The following MED27 variants were observed in gnomAD, a reference collection of about 807,000 sequenced individuals.
MED27 encodes mediator complex subunit 27, also known as mediator of RNA polymerase II transcription subunit 27.
In MED27, 30 loss-of-function variants were observed where a neutral mutation model predicts 38.2. The observed-to-expected ratio is 0.79, with a 90% CI of 0.59 to 1.07. The LOEUF (loss-of-function observed/expected upper bound fraction) is 1.07, where lower values mean the gene tolerates loss of function less well. MED27 is among the 50% of genes least tolerant of loss of function. The pLI is 0.00. For missense variants in MED27, 289 were observed against 397.5 expected (o/e 0.73, Z 2.32); for synonymous variants, 122 against 153.5 (o/e 0.79, Z 1.52).
chr9:131,905,734 A>AAAAAAAAAAAAAAAAAAAAAAAC (rs751226482), intron 4 of MED27, among the ~76,000 whole-genome samples: 5 of 28,158 alleles, frequency 1.8e-4, no homozygotes, highest in African/African-American at 3.0e-4. Flanking sequence ...AAAACAGAAA[A>AAAAAAAAAAAAAAAAAAAAAAAC]AGAAAAAGAA....
chr9:132,042,971 G>A (rs963255953), intron 2 of MED27, among the ~76,000 whole-genome samples: 1 of 152,122 alleles, frequency 6.6e-6, no homozygotes, highest in Non-Finnish European at 1.5e-5. Context: ...ATAGACCATA[G>A]GTACTTTTGT....
At chr9:131,893,792 T>A in intron 5 of MED27, 93 bp downstream of exon 5, 1 of 828,300 alleles carries the variant, frequency 1.2e-6, no homozygotes, top group Non-Finnish European at 2.0e-6. Context: ...TCCGCTATGA[T>A]TGCTAGTTTT....
At chr9:131,979,798 C>T (rs2131025924) in intron 3 of MED27, among the ~76,000 whole-genome samples, 1 of 151,310 alleles carries the variant, frequency 6.6e-6, no homozygotes, top group Admixed American at 6.6e-5. Flanking sequence ...CTAGTCCATG[C>T]TAACTCCTTG....
chr9:131,902,151 TACAC>T (rs1242352195), intron 4 of MED27, among the ~76,000 whole-genome samples: 1 of 152,144 alleles, frequency 6.6e-6, no homozygotes, highest in Non-Finnish European at 1.5e-5. Context: ...AATGACTTCA[TACAC>T]ACACCACTGA....
chr9:131,925,587 G>T (rs1314898383), intron 4 of MED27, among the ~76,000 whole-genome samples: 1 of 152,118 alleles, frequency 6.6e-6, no homozygotes, highest in African/African-American at 2.4e-5. Context: ...ATGAAATTTA[G>T]TAAAAAACAC....
intron 6 of MED27, among the ~76,000 whole-genome samples, chr9:131,875,093 T>C (rs931102753): frequency 2.0e-5 from 3 of 151,550 alleles, no homozygotes; most frequent in Admixed American, 1.3e-4. Flanking sequence ...AAACGGGAAA[T>C]TGGGGCACAA....
rs1833457738 is a variant in MED27 at position 132,051,192 on chromosome 9, T to C, written c.348+26250A>G. ...CAGTTAAAGTACATGAGATTATCAA[T>C]TATTTACTGATAAATTAGATCAGAT... On this transcript the variant is annotated intron_variant, in intron 2 of 7. Coordinates refer to ENST00000292035, the MANE Select transcript of MED27 (RefSeq NM_004269.4). The surrounding 1 kb of genome is among the most constrained non-coding windows in gnomAD (Gnocchi z 4.2). 6.6e-6 allele frequency among the ~76,000 whole-genome samples: 1 copy of C among 152,238 alleles called. No individual in the cohort carries two copies. The highest frequency in any genetic ancestry group is 6.5e-5 in the Admixed American group (1 of 15,288).
intron 6 of MED27, among the ~76,000 whole-genome samples, chr9:131,878,217 G>A (rs1418847437): frequency 6.6e-6 from 1 of 151,748 alleles, no homozygotes; most frequent in East Asian, 1.9e-4. Flanking sequence ...AGGTTGCAGT[G>A]AGCTGAGATT....
intron 3 of MED27, among the ~76,000 whole-genome samples, chr9:131,963,306 T>G (rs570478459): frequency 2.0e-5 from 3 of 152,280 alleles, no homozygotes; most frequent in South Asian, 4.1e-4. Context: ...CCCCTGAGGT[T>G]AGCATTTCTG....
intron 6 of MED27, among the ~76,000 whole-genome samples, chr9:131,876,611 G>A (rs541900360): frequency 1.7e-4 from 26 of 152,236 alleles, no homozygotes; most frequent in African/African-American, 6.3e-4. Context: ...CCCTCCCTGC[G>A]GCTCTCAGCT....
intron 4 of MED27, among the ~76,000 whole-genome samples, chr9:131,922,980 C>CA (rs1830424603): frequency 6.6e-6 from 1 of 152,142 alleles, no homozygotes; most frequent in African/African-American, 2.4e-5. Context: ...GCAAGATGCT[C>CA]TAGGCTCATC....
chr9:132,063,995 T>C (rs1833753383), intron 2 of MED27, among the ~76,000 whole-genome samples: 2 of 152,266 alleles, frequency 1.3e-5, no homozygotes, highest in South Asian at 4.1e-4. Flanking sequence ...ACAAAGCTCT[T>C]CAATGGTCAC....
chr9:131,999,268 CATA>C (rs1260133576), intron 3 of MED27, among the ~76,000 whole-genome samples: 1 of 152,136 alleles, frequency 6.6e-6, no homozygotes, highest in African/African-American at 2.4e-5. Context: ...CTCAACCATC[CATA>C]ATGAAGTCTA....
Position 131,947,977 on chromosome 9 carries a change from G to A in MED27, c.480-8503C>T, listed in dbSNP as rs76474093. 2.1e-3 allele frequency among the ~76,000 whole-genome samples: 317 copies of A among 152,302 alleles called. 1 individual carries two copies. Among genetic ancestry groups the A allele is most frequent in the African/African-American group, 7.4e-3 (309 of 41,564 alleles). On this transcript the variant is annotated intron_variant, in intron 3 of 7. Coordinates refer to ENST00000292035, the MANE Select transcript of MED27 (RefSeq NM_004269.4). The stretch of plus-strand genomic sequence containing the variant: ...CCTGTCCGCAGTGATGAGACTGAGA[G>A]GCCTTTGACAGTGGGTGGAAACAGA...
At chr9:131,912,713 T>C (rs1357561970) in intron 4 of MED27, among the ~76,000 whole-genome samples, 1 of 152,212 alleles carries the variant, frequency 6.6e-6, no homozygotes, top group Non-Finnish European at 1.5e-5. Flanking sequence ...TTAAATTCCT[T>C]TTTATGGTTA....
chr9:132,024,659 T>C (rs1163692629), intron 2 of MED27, among the ~76,000 whole-genome samples: 4 of 152,222 alleles, frequency 2.6e-5, no homozygotes. Flanking sequence ...ATTCTTCTCA[T>C]ACAACTGTGG....
intron 3 of MED27, among the ~76,000 whole-genome samples, chr9:131,972,189 T>C (rs1243912854): frequency 6.6e-6 from 1 of 152,170 alleles, no homozygotes; most frequent in Non-Finnish European, 1.5e-5. Context: ...GAGGAATGAG[T>C]ACTAAAACGA....
At chr9:132,026,243 A>G (rs993939095) in intron 2 of MED27, among the ~76,000 whole-genome samples, 36 of 152,204 alleles carry the variant, frequency 2.4e-4, no homozygotes, top group Admixed American at 2.0e-4. Flanking sequence ...CAGATATGGA[A>G]AGTAGCCTGC....
chr9:131,977,291 C>G (rs1831630014), intron 3 of MED27, among the ~76,000 whole-genome samples: 1 of 152,160 alleles, frequency 6.6e-6, no homozygotes, highest in Non-Finnish European at 1.5e-5. Context: ...GCAGTCAGGT[C>G]AAAGCCTGGT....
Sources: gnomAD v4.1 joint callset for allele counts (sites outside exome capture counted in the v4.1 genomes callset) on GRCh38, gnomAD v4.1.1 for gene constraint, Gnocchi (gnomAD v3.1) non-coding constraint, MANE v1.5 for transcripts, NCBI Gene and HGNC (gene_info 2026-07-23, HGNC 2026-07-21) for gene names.